MED13L: variants seen among roughly 807,000 people sequenced by gnomAD.
The protein encoded by MED13L is mediator of RNA polymerase II transcription subunit 13-like.
A neutral mutation model predicts 220.9 loss-of-function variants in MED13L; 7 were observed. The observed-to-expected ratio is 0.03, with a 90% CI of 0.02 to 0.06. MED13L has a LOEUF of 0.06. Ranked by LOEUF, MED13L falls within the 10% of genes least tolerant of loss-of-function variation. The pLI, the probability that MED13L is intolerant of heterozygous loss-of-function variation, is 1.00. For missense variants in MED13L, 1,965 were observed against 2,760.5 expected (o/e 0.71, Z 6.46); for synonymous variants, 1,011 against 1,015.2 (o/e 1.00, Z 0.08).
intron 20 of MED13L, 132 bp downstream of exon 20, chr12:115,984,048 A>C: frequency 9.2e-7 from 1 of 1,085,652 alleles, no homozygotes; most frequent in Non-Finnish European, 1.4e-6. Context: ...CCAGAACACC[A>C]AACTGGACCT....
intron 2 of MED13L, among the ~76,000 whole-genome samples, chr12:116,206,555 G>GA: frequency 6.6e-6 from 1 of 151,626 alleles, no homozygotes; most frequent in Non-Finnish European, 1.5e-5. Context: ...TATAGACGGG[G>GA]AAAAAAAGGT....
chr12:116,105,608 C>A (rs1873499231), intron 3 of MED13L, among the ~76,000 whole-genome samples: 1 of 151,850 alleles, frequency 6.6e-6, no homozygotes, highest in South Asian at 2.1e-4. Flanking sequence ...TTTTAAAAAC[C>A]AGGTATAAAT....
At chr12:116,269,316 C>T (rs1038964478) in intron 1 of MED13L, among the ~76,000 whole-genome samples, 7 of 151,990 alleles carry the variant, frequency 4.6e-5, no homozygotes, top group Non-Finnish European at 8.8e-5. Context: ...CTCGGCCTCC[C>T]AAAGAGCTGG....
chr12:116,096,888 T>C, intron 3 of MED13L, 136 bp from the exon 4 acceptor site: 1 of 698,772 alleles, frequency 1.4e-6, no homozygotes. Context: ...TTTTATCACT[T>C]AAAATTTTTA....
chr12:115,982,992 G>A (rs1877433987), intron 21 of MED13L, 125 bp downstream of exon 21: 1 of 1,059,054 alleles, frequency 9.4e-7, no homozygotes, highest in Non-Finnish European at 1.4e-6. Flanking sequence ...CCTTTCTTTT[G>A]AGAAGAGAAA....
intron 4 of MED13L, among the ~76,000 whole-genome samples, chr12:116,059,091 A>T (rs1257824163): frequency 1.3e-5 from 2 of 152,310 alleles, no homozygotes; most frequent in East Asian, 3.9e-4. Flanking sequence ...TTGTTAAGAC[A>T]GGGTCTCGCT....
intron 1 of MED13L, among the ~76,000 whole-genome samples, chr12:116,255,339 AC>A (rs1871947741): frequency 6.6e-6 from 1 of 152,224 alleles, no homozygotes; most frequent in Admixed American, 6.5e-5. Context: ...CAAAACCAGA[AC>A]TTCAATCCTC....
At position 116,037,489 on chromosome 12, in the gene MED13L, C is replaced by A. The variant is rs140138468; in HGVS notation, c.480-14888G>T. ...CAGATATTCTGAAATCCGATGAAAT[C>A]TGAAATCCAAAACGTTCTGATCCCA... On this transcript the variant is annotated intron_variant, in intron 4 of 30. Transcript: ENST00000281928. 1.6e-3 allele frequency among the ~76,000 whole-genome samples: 250 copies of A among 152,266 alleles called. 8 individuals are homozygous for A. The East Asian group carries it at 0.037, about 22-fold the overall frequency.
chr12:115,983,647 A>G, intron 20 of MED13L, 107 bp from the exon 21 acceptor site: 1 of 1,211,842 alleles, frequency 8.3e-7, no homozygotes, highest in South Asian at 1.3e-5. Flanking sequence ...TCAGGCTGCA[A>G]TACTCTGATT....
intron 3 of MED13L, among the ~76,000 whole-genome samples, chr12:116,105,611 G>C (rs1565879910): frequency 6.6e-6 from 1 of 152,058 alleles, no homozygotes. Flanking sequence ...TAAAAACCAG[G>C]TATAAATATA....
chr12:116,160,532 G>C (rs1038509850), intron 2 of MED13L, among the ~76,000 whole-genome samples: 3 of 151,654 alleles, frequency 2.0e-5, no homozygotes, highest in African/African-American at 7.3e-5. Context: ...CAGCTCCTTT[G>C]GGCCTTGGCT....
At chr12:116,102,703 C>CCTTTTTTTTTTTT (rs1873175799) in intron 3 of MED13L, among the ~76,000 whole-genome samples, 1 of 63,204 alleles carries the variant, frequency 1.6e-5, no homozygotes, top group African/African-American at 5.4e-5. Context: ...TTTTCTTTTT[C>CCTTTTTTTTTTTT]TTTTTTCTTT....
At chr12:116,058,445 ATAAAT>A (rs1338048262) in intron 4 of MED13L, among the ~76,000 whole-genome samples, 3 of 152,218 alleles carry the variant, frequency 2.0e-5, no homozygotes, top group Non-Finnish European at 2.9e-5. Context: ...GTATACATAC[ATAAAT>A]TAAAATAAAT....
Position 115,975,159 on chromosome 12 carries a change from A to G in MED13L, c.5731+12T>C. ...TCTGTCTTCTGCAAATACTTCTTCA[A>G]AAATTTCTCACCTTTAAGCTCCCCA... is the stretch of plus-strand genomic sequence containing the variant. On this transcript the variant is annotated intron_variant, in intron 25 of 30. Coordinates refer to ENST00000281928, the MANE Select transcript of MED13L (RefSeq NM_015335.5). 1 of 1,614,052 alleles carries G rather than the reference A, an allele frequency of 6.2e-7. No homozygotes were observed. Among genetic ancestry groups the G allele is most frequent in the Non-Finnish European group, 8.5e-7 (1 of 1,179,970 alleles).
chr12:116,265,296 C>T (rs182277583), intron 1 of MED13L, among the ~76,000 whole-genome samples: 17 of 152,290 alleles, frequency 1.1e-4, no homozygotes, highest in Non-Finnish European at 1.9e-4. Flanking sequence ...AAAGCCTAGG[C>T]TTCATAAGAA....
chr12:116,102,533 C>G (rs1873143489), intron 3 of MED13L, among the ~76,000 whole-genome samples: 1 of 151,962 alleles, frequency 6.6e-6, no homozygotes, highest in Non-Finnish European at 1.5e-5. Context: ...TCTCCACCAG[C>G]CTCAAAGCCT....
chr12:116,161,480 A>G (rs865877997), intron 2 of MED13L, among the ~76,000 whole-genome samples: 12 of 152,208 alleles, frequency 7.9e-5, no homozygotes, highest in Middle Eastern at 3.2e-3. Context: ...TCCAAAAAAT[A>G]TCAATAAGAA....
chr12:116,022,987 A>G (rs1566015902), intron 4 of MED13L, among the ~76,000 whole-genome samples: 1 of 152,200 alleles, frequency 6.6e-6, no homozygotes, highest in Non-Finnish European at 1.5e-5. Context: ...AAACACTTAA[A>G]AGACTTATTT....
chr12:116,038,744 C>CAAAAAAAAAAAAAAAAAAAAAAAAAA (rs63703461), intron 4 of MED13L, among the ~76,000 whole-genome samples: 6 of 75,262 alleles, frequency 8.0e-5, no homozygotes, highest in African/African-American at 3.0e-4. Flanking sequence ...GTCAAAAGGC[C>CAAAAAAAAAAAAAAAAAAAAAAAAAA]AAAAAAAAAA....
Sources: allele counts gnomAD v4.1 joint callset (sites outside exome capture counted in the v4.1 genomes callset), GRCh38; gene constraint gnomAD v4.1.1; transcripts MANE v1.5; gene names NCBI Gene and HGNC (gene_info 2026-07-23, HGNC 2026-07-21).